FNDC8: variants seen among roughly 807,000 people sequenced by gnomAD.
FNDC8 encodes fibronectin type III domain containing 8.
In FNDC8, 23 loss-of-function variants were observed where a neutral mutation model predicts 24.8. The observed-to-expected ratio is 0.93, with a 90% CI of 0.67 to 1.31. The LOEUF is 1.31. FNDC8 is among the 40% of genes most tolerant of loss of function. FNDC8 has a pLI of 0.00. For synonymous variants in FNDC8, 158 were observed against 165.3 expected (o/e 0.96, Z 0.34); for missense variants, 371 against 398.2 (o/e 0.93, Z 0.58).
chr17:35,121,892 A>G lies in FNDC8; in HGVS notation c.199A>G (p.Ile67Val). The G allele has an allele frequency of 6.2e-7, 1 of 1,612,394 alleles. No homozygotes were observed. The highest frequency in any genetic ancestry group is 8.5e-7 in the Non-Finnish European group (1 of 1,179,562). Residue 67 changes from isoleucine (I) to valine (V), a missense_variant, in exon 1 of 4, where the codon ATC becomes GTC. Ile to Val is a conservative substitution (Grantham distance 29). Transcript: ENST00000158009. Reference protein sequence around the residue: ...NLVNFLEDDTINLLKPLPVED... With the variant: ...NLVNFLEDDTVNLLKPLPVED... ...GGTCAACTTCTTGGAGGATGATACC[A>G]TCAACCTACTGTAAGTCACAAATCT...
rs757508555 is a variant in FNDC8 at position 35,121,767 on chromosome 17, T to C, written c.74T>C (p.Met25Thr). The change falls in exon 1 of 4, where the codon ATG becomes ACG. Residue 25 changes from methionine (M) to threonine (T), a missense_variant. Coordinates refer to ENST00000158009, the MANE Select transcript of FNDC8 (RefSeq NM_017559.4). ...AVLKKENFNM[M>T]NALDQLPKPF... The stretch of plus-strand genomic sequence containing the variant: ...CTGAAGAAAGAAAACTTCAACATGA[T>C]GAATGCCCTTGACCAACTGCCAAAA... The C allele has an allele frequency of 3.2e-5, 51 of 1,613,632 alleles. No homozygotes were observed. The highest frequency in any genetic ancestry group is 2.0e-4 in the East Asian group (9 of 44,840).
chr17:35,125,828 A>G (rs551498573), intron 1 of FNDC8, among the ~76,000 whole-genome samples: 114 of 152,288 alleles, frequency 7.5e-4, no homozygotes, highest in Non-Finnish European at 1.4e-3. Flanking sequence ...AATATTCTTG[A>G]TATTTTTGTA....
In FNDC8 at chr17:35,127,366, G is replaced by A. The variant is rs1212759098; in HGVS notation, c.534G>A (p.Leu178=). ...THSESSVVVD[L]PDTPFIFEHT... ...CAGAATCTTCTGTGGTTGTGGACCT[G>A]CCGGACACCCCCTTCATCTTTGAGC... Residue 178 remains leucine (L), a synonymous_variant, in exon 2 of 4, where the codon CTG becomes CTA. Transcript: ENST00000158009. The A allele has an allele frequency of 1.4e-5, 22 of 1,590,818 alleles. No individual in the cohort carries two copies. Among genetic ancestry groups the A allele is most frequent in the Non-Finnish European group, 1.5e-5 (17 of 1,169,558 alleles).
chr17:35,121,975 CTTCCTTCCTTCCTT>C (rs2091827596), intron 1 of FNDC8, 73 bp downstream of exon 1: 3 of 998,762 alleles, frequency 3.0e-6, no homozygotes, highest in African/African-American at 5.0e-5. Context: ...TCCTCCCTTC[CTTCCTTCCTTCCTT>C]TTTTTTTTTT....
chr17:35,124,227 C>A (rs558502236), intron 1 of FNDC8, among the ~76,000 whole-genome samples: 1 of 152,254 alleles, frequency 6.6e-6, no homozygotes, highest in South Asian at 2.1e-4. Context: ...TTGGTGAAGA[C>A]CACTATGATA....
chr17:35,128,451 T>G (rs2091857690), intron 2 of FNDC8, among the ~76,000 whole-genome samples: 3 of 152,184 alleles, frequency 2.0e-5, no homozygotes, highest in African/African-American at 7.2e-5. Flanking sequence ...CCCAGAAATC[T>G]GCAGTTACAA....
chr17:35,121,799 T>G lies in FNDC8; in HGVS notation c.106T>G (p.Ser36Ala), dbSNP rs1871892. 6.2e-7 allele frequency: 1 copy of G among 1,612,986 alleles called. No homozygotes were observed. The highest frequency in any genetic ancestry group is 1.7e-5 in the Admixed American group (1 of 59,914). ...NALDQLPKPF[S>A]NPKSMNRTVT... is the part of the protein sequence containing the mutation. ...CCTTGACCAACTGCCAAAACCCTTTTCAAACCCCAAGTCTATGAACCGGAC... is the reference window on the plus strand; with the variant it reads ...CCTTGACCAACTGCCAAAACCCTTTGCAAACCCCAAGTCTATGAACCGGAC... Residue 36 changes from serine (S) to alanine (A), a missense_variant, in exon 1 of 4, where the codon TCA becomes GCA. By Grantham distance (99) the Ser-to-Ala change is moderately conservative (BLOSUM62 1). Coordinates refer to ENST00000158009, the MANE Select transcript of FNDC8 (RefSeq NM_017559.4).
intron 1 of FNDC8, 85 bp downstream of exon 1, chr17:35,121,987 CTTTT>C (rs60097491): frequency 1.8e-3 from 1,170 of 633,838 alleles, no homozygotes; most frequent in Admixed American, 2.2e-3. Flanking sequence ...TCCTTCCTTC[CTTTT>C]TTTTTTTTTT....
At position 35,123,764 on chromosome 17, in the gene FNDC8, A is replaced by C. The variant is rs573795719; in HGVS notation, c.209+1862A>C. Among the ~76,000 whole-genome samples, 8 of 152,106 alleles carry C rather than the reference A, an allele frequency of 5.3e-5. No individual in the cohort carries two copies. The East Asian group carries it at 1.2e-3, about 22-fold the overall frequency. On this transcript the variant is annotated intron_variant, in intron 1 of 3. Coordinates refer to ENST00000158009, the MANE Select transcript of FNDC8 (RefSeq NM_017559.4). ...CATAAAAAAAACAAAACAAAACAAAAAAAAAAACAGATCAGGGACCCTCAG... is the reference window on the plus strand; with the variant it reads ...CATAAAAAAAACAAAACAAAACAAACAAAAAAACAGATCAGGGACCCTCAG...
intron 2 of FNDC8, among the ~76,000 whole-genome samples, chr17:35,128,350 C>T (rs2091857039): frequency 6.6e-6 from 1 of 152,264 alleles, no homozygotes; most frequent in Admixed American, 6.5e-5. Flanking sequence ...AGTAATCTAT[C>T]TTTTAATAAG....
intron 2 of FNDC8, among the ~76,000 whole-genome samples, chr17:35,128,463 A>C (rs1468983968): frequency 6.6e-6 from 1 of 152,190 alleles, no homozygotes; most frequent in Admixed American, 6.5e-5. Context: ...CAGTTACAAA[A>C]TCTCCCTGAG....
Position 35,130,558 on chromosome 17 carries a change from T to A in FNDC8, c.*124T>A. Reference sequence around the variant, plus strand: ...GGGCCCGGGGTCTGGCAGAGTGGTATGGGCACCCCACCCCTGGGCTGGGGC... The same window carrying A: ...GGGCCCGGGGTCTGGCAGAGTGGTAAGGGCACCCCACCCCTGGGCTGGGGC... On this transcript the variant is annotated 3_prime_UTR_variant, in exon 4 of 4. Transcript: ENST00000158009. 9.7e-7 allele frequency: 1 copy of A among 1,035,056 alleles called. No homozygotes were observed. The highest frequency in any genetic ancestry group is 1.4e-6 in the Non-Finnish European group (1 of 726,264). The allele number at this position is 1,035,056 out of a possible 1,614,324, so 64.1% of individuals were successfully genotyped here.
intron 2 of FNDC8, 120 bp from the exon 3 acceptor site, chr17:35,129,302 G>T: frequency 7.5e-7 from 1 of 1,340,026 alleles, no homozygotes; most frequent in Non-Finnish European, 1.0e-6. Flanking sequence ...CATCTGACCT[G>T]CCTGGGCCCC....
chr17:35,121,716 A>C lies in FNDC8; in HGVS notation c.23A>C (p.Gln8Pro), dbSNP rs1235624287. The change falls in exon 1 of 4, where the codon CAA becomes CCA. Residue 8 changes from glutamine to proline, a missense_variant. Gln to Pro is a moderately conservative substitution (Grantham distance 76). Transcript: ENST00000158009. ...CAGATGGCATCAGAGGCACTCCATC[A>C]AGTGGGAGATGGGGAGGAGGCTGTA... MASEALH[Q>P]VGDGEEAVLK... 1 of 1,614,006 alleles carries C rather than the reference A, an allele frequency of 6.2e-7. No individual in the cohort carries two copies. The highest frequency in any genetic ancestry group is 1.1e-5 in the South Asian group (1 of 91,076).
chr17:35,129,942 A>G, intron 3 of FNDC8: 1 of 1,376,476 alleles, frequency 7.3e-7, no homozygotes. Context: ...TTCAGTGCCC[A>G]TGATTGTGAG....
At chr17:35,126,095 T>C (rs1456657805) in intron 1 of FNDC8, among the ~76,000 whole-genome samples, 1 of 152,054 alleles carries the variant, frequency 6.6e-6, no homozygotes, top group East Asian at 1.9e-4. Context: ...TAATTTTTTG[T>C]ATTTTTAGTA....
rs1020956420 is a variant in FNDC8 at position 35,130,640 on chromosome 17, G to T, written c.*206G>T. 5.3e-6 allele frequency: 3 copies of T among 570,628 alleles called. No individual in the cohort carries two copies. The highest frequency in any genetic ancestry group is 9.3e-6 in the Non-Finnish European group (3 of 324,134). 35.3% of individuals were successfully genotyped at this position (570,628 alleles called of 1,614,324 possible). A position where few individuals can be genotyped will look rare whatever the true frequency, so the allele number is the denominator to read the frequency against. On this transcript the variant is annotated 3_prime_UTR_variant, in exon 4 of 4. Coordinates refer to ENST00000158009, the MANE Select transcript of FNDC8 (RefSeq NM_017559.4). ...GGCATCTCAGGCCAGGCCATGCCAG[G>T]CTCAGCCACTGCCCACAGCTGCTAG...
At chr17:35,125,874 G>A (rs947799197) in intron 1 of FNDC8, among the ~76,000 whole-genome samples, 1 of 152,192 alleles carries the variant, frequency 6.6e-6, no homozygotes, top group Admixed American at 6.5e-5. Flanking sequence ...AAAAAATTCA[G>A]AGTGGAAGAA....
At position 35,121,986 on chromosome 17, in the gene FNDC8, CCTT is replaced by C. The variant is rs1274573930; in HGVS notation, c.209+85_209+87del. 1.4e-4 allele frequency: 116 copies of C among 835,806 alleles called. No individual in the cohort carries two copies. In the African/African-American group the frequency reaches 2.2e-3, roughly 16 times the overall value. 51.8% of individuals were successfully genotyped at this position (835,806 alleles called of 1,614,324 possible). ...TCCTTCCTCCCTTCCTTCCTTCCTT[CCTT>C]TTTTTTTTTTTTTTTGACAGGATCT... On this transcript the variant is annotated intron_variant, in intron 1 of 3. Transcript: ENST00000158009.
Sources: gnomAD v4.1 joint callset for allele counts (sites outside exome capture counted in the v4.1 genomes callset) on GRCh38, gnomAD v4.1.1 for gene constraint, MANE v1.5 for transcripts, NCBI Gene and HGNC (gene_info 2026-07-23, HGNC 2026-07-21) for gene names.